CAMKMT: variants seen among roughly 807,000 people sequenced by gnomAD.
The protein encoded by CAMKMT is calmodulin-lysine N-methyltransferase.
CAMKMT carries 53 observed loss-of-function variants against 48.0 expected under a neutral mutation model. The ratio of observed to expected loss-of-function variants is 1.10; its 90% CI spans 0.89 to 1.39. The LOEUF (loss-of-function observed/expected upper bound fraction) is 1.39, where lower values mean the gene tolerates loss of function less well. Among genes scored for constraint, CAMKMT ranks in the 40% most tolerant of loss-of-function variants. The probability of loss-of-function intolerance (pLI) is 0.00; values close to 1 mark genes in which losing one functional copy is unlikely to be tolerated. For synonymous variants in CAMKMT, 165 were observed against 152.3 expected, an observed-to-expected ratio of 1.08 and a Z score of -0.61; for missense variants, 428 against 402.7, an observed-to-expected ratio of 1.06 and a Z score of -0.54.
chr2:44,379,758 C>G (rs1680056088), intron 2 of CAMKMT, among the ~76,000 whole-genome samples: 1 of 148,280 alleles, frequency 6.7e-6, no homozygotes, highest in Non-Finnish European at 1.5e-5. Flanking sequence ...TCTCTGCCTG[C>G]TTTTTTTTTA....
intron 3 of CAMKMT, among the ~76,000 whole-genome samples, chr2:44,604,124 G>A (rs1388577260): frequency 1.3e-5 from 2 of 152,136 alleles, no homozygotes; most frequent in African/African-American, 4.8e-5. Flanking sequence ...CTCTAGATGA[G>A]GGGTTTTGTT....
intron 3 of CAMKMT, among the ~76,000 whole-genome samples, chr2:44,578,602 T>C (rs1276873237): frequency 6.6e-6 from 1 of 152,222 alleles, no homozygotes; most frequent in Non-Finnish European, 1.5e-5. Flanking sequence ...AGGCTAACAC[T>C]GGCCTTTAGC....
chr2:44,557,789 A>G (rs960119091), intron 3 of CAMKMT, among the ~76,000 whole-genome samples: 3 of 152,056 alleles, frequency 2.0e-5, no homozygotes, highest in African/African-American at 7.2e-5. Flanking sequence ...TTTATTTTCT[A>G]CATTTTTCTA....
intron 7 of CAMKMT, among the ~76,000 whole-genome samples, chr2:44,720,263 C>T (rs1272893007): frequency 6.6e-6 from 1 of 152,068 alleles, no homozygotes; most frequent in African/African-American, 2.4e-5. Context: ...AAATTAAGGC[C>T]TTTTATTTTA....
At chr2:44,583,574 C>G (rs1669686241) in intron 3 of CAMKMT, among the ~76,000 whole-genome samples, 1 of 152,114 alleles carries the variant, frequency 6.6e-6, no homozygotes, top group Non-Finnish European at 1.5e-5. Context: ...AAGAAGGTTT[C>G]TTAAGACCAG....
intron 3 of CAMKMT, among the ~76,000 whole-genome samples, chr2:44,605,305 G>T (rs545156563): frequency 2.6e-5 from 4 of 152,264 alleles, no homozygotes; most frequent in African/African-American, 9.6e-5. Context: ...CTGTGCTGCT[G>T]TTGCTCAAAG....
chr2:44,507,721 G>T (rs542570776), intron 3 of CAMKMT, among the ~76,000 whole-genome samples: 1 of 152,260 alleles, frequency 6.6e-6, no homozygotes, highest in South Asian at 2.1e-4. Flanking sequence ...CCATTTTACT[G>T]ATGAAGTAGA....
At chr2:44,705,444 G>A (rs1313420137) in intron 4 of CAMKMT, 1 of 985,300 alleles carries the variant, frequency 1.0e-6, no homozygotes, top group Non-Finnish European at 1.2e-6. Flanking sequence ...TCATCTCGCT[G>A]TGCTTAAGCT....
chr2:44,549,017 G>A (rs1003752172), intron 3 of CAMKMT, among the ~76,000 whole-genome samples: 1 of 152,206 alleles, frequency 6.6e-6, no homozygotes, highest in South Asian at 2.1e-4. Flanking sequence ...GTTATGCACC[G>A]ATAAAAAACT....
At chr2:44,706,186 G>A (rs2104275515) in intron 4 of CAMKMT, 101 bp from the exon 5 acceptor site, 5 of 1,170,370 alleles carry the variant, frequency 4.3e-6, no homozygotes, top group East Asian at 2.4e-5. Context: ...TGGTAGCGCC[G>A]TTCTTACTGC....
chr2:44,571,197 T>G (rs1236531774), intron 3 of CAMKMT, among the ~76,000 whole-genome samples: 2 of 152,138 alleles, frequency 1.3e-5, no homozygotes, highest in African/African-American at 4.8e-5. Context: ...AGATAAAATT[T>G]GAATAGAAAG....
chr2:44,701,289 A>T (rs1378324576), intron 3 of CAMKMT, among the ~76,000 whole-genome samples: 1 of 152,218 alleles, frequency 6.6e-6, no homozygotes, highest in Middle Eastern at 3.2e-3. Flanking sequence ...TCACCAGCCC[A>T]ACATTCGTTA....
chr2:44,564,685 C>T (rs1325479833), intron 3 of CAMKMT, among the ~76,000 whole-genome samples: 3 of 152,094 alleles, frequency 2.0e-5, no homozygotes, highest in African/African-American at 4.8e-5. Flanking sequence ...AGATTACAAG[C>T]ATGTGCCACC....
At chr2:44,472,663 T>G (rs1490651659) in intron 3 of CAMKMT, among the ~76,000 whole-genome samples, 1 of 152,124 alleles carries the variant, frequency 6.6e-6, no homozygotes, top group African/African-American at 2.4e-5. Flanking sequence ...GAGCCCACAG[T>G]TGGTAGAGAG....
chr2:44,537,868 G>T (rs1200083124), intron 3 of CAMKMT, among the ~76,000 whole-genome samples: 1 of 152,130 alleles, frequency 6.6e-6, no homozygotes, highest in African/African-American at 2.4e-5. Flanking sequence ...GTGTAAATTA[G>T]TACAACCTCT....
intron 2 of CAMKMT, among the ~76,000 whole-genome samples, chr2:44,380,368 T>C (rs964484638): frequency 1.3e-5 from 2 of 152,196 alleles, no homozygotes; most frequent in African/African-American, 4.8e-5. Flanking sequence ...ATCGTAGTTG[T>C]CACATAACAT....
chr2:44,647,070 G>C (rs1377050447), intron 3 of CAMKMT, among the ~76,000 whole-genome samples: 1 of 152,120 alleles, frequency 6.6e-6, no homozygotes, highest in Non-Finnish European at 1.5e-5. Context: ...AGGCCGAGGC[G>C]GGCAGAACAC....
intron 2 of CAMKMT, among the ~76,000 whole-genome samples, chr2:44,374,292 G>C (rs1364419934): frequency 3.3e-5 from 5 of 152,142 alleles, no homozygotes; most frequent in Non-Finnish European, 7.4e-5. Context: ...AGAAAGGAAA[G>C]AAAGGTATAT....
At chr2:44,563,752 G>A (rs1353392699) in intron 3 of CAMKMT, among the ~76,000 whole-genome samples, 1 of 152,072 alleles carries the variant, frequency 6.6e-6, no homozygotes, top group Non-Finnish European at 1.5e-5. Flanking sequence ...GCGATAGTTT[G>A]CTCAGAATGA....
Sources: gnomAD v4.1 joint callset for allele counts (sites outside exome capture counted in the v4.1 genomes callset) on GRCh38, gnomAD v4.1.1 for gene constraint, MANE v1.5 for transcripts, NCBI Gene and HGNC (gene_info 2026-07-23, HGNC 2026-07-21) for gene names.